The following C5orf22 variants were observed in gnomAD, a reference collection of about 807,000 sequenced individuals.
The protein encoded by C5orf22 is chromosome 5 open reading frame 22.
Under a neutral mutation model 48.7 loss-of-function variants are expected in C5orf22, and 36 were observed. The observed-to-expected ratio is 0.74, with a 90% CI of 0.57 to 0.98. The LOEUF is 0.98. Among genes scored for constraint, C5orf22 ranks in the 50% least tolerant of loss-of-function variants. The probability of loss-of-function intolerance (pLI) is 0.00; values close to 1 mark genes in which losing one functional copy is unlikely to be tolerated. For missense variants in C5orf22, 486 were observed against 521.9 expected, an observed-to-expected ratio of 0.93 and a Z score of 0.67; for synonymous variants, 141 against 180.8, an observed-to-expected ratio of 0.78 and a Z score of 1.76.
chr5:31,536,544 CAAACAAAA>C (rs918780105), intron 3 of C5orf22, among the ~76,000 whole-genome samples: 1 of 151,390 alleles, frequency 6.6e-6, no homozygotes, highest in Non-Finnish European at 1.5e-5. Flanking sequence ...AAAAAACAAA[CAAACAAAA>C]AAACAGTAAT....
chr5:31,550,744 T>TGGAACA (rs1743203811), intron 7 of C5orf22, among the ~76,000 whole-genome samples: 1 of 152,142 alleles, frequency 6.6e-6, no homozygotes, highest in Non-Finnish European at 1.5e-5. Context: ...GTATTTTTAG[T>TGGAACA]AGAGACGGGG....
chr5:31,534,640 T>C, intron 2 of C5orf22: 1 of 500,764 alleles, frequency 2.0e-6, no homozygotes, highest in Non-Finnish European at 3.5e-6. Context: ...CTGTTGCAAC[T>C]ATTAATCTTT....
chr5:31,533,023 C>T (rs990697038), intron 1 of C5orf22, among the ~76,000 whole-genome samples: 2 of 151,934 alleles, frequency 1.3e-5, no homozygotes, highest in African/African-American at 2.4e-5. Flanking sequence ...GGCGCGATCT[C>T]GGCTCACTGC....
intron 6 of C5orf22, among the ~76,000 whole-genome samples, chr5:31,544,911 G>A (rs1742753664): frequency 6.6e-6 from 1 of 151,990 alleles, no homozygotes; most frequent in Non-Finnish European, 1.5e-5. Context: ...CTGTAGCCTG[G>A]GTGGTAGTGA....
intron 8 of C5orf22, 98 bp from the exon 9 acceptor site, chr5:31,552,675 A>G: frequency 4.5e-6 from 5 of 1,101,368 alleles, no homozygotes; most frequent in Non-Finnish European, 6.5e-6. Flanking sequence ...GCACACCTTA[A>G]TTTCTGTTTT....
chr5:31,532,307 A>C lies in C5orf22; in HGVS notation c.-86A>C. Reference sequence around the variant, plus strand: ...CGGGTGAGGGAGCGCTTCCGCCCGGAGAGAGCTGGCCGGGATGAGGCGCCG... The same window carrying C: ...CGGGTGAGGGAGCGCTTCCGCCCGGCGAGAGCTGGCCGGGATGAGGCGCCG... On this transcript the variant is annotated 5_prime_UTR_variant, in exon 1 of 9. Transcript: ENST00000325366. 1 of 1,393,482 alleles carries C rather than the reference A, an allele frequency of 7.2e-7. No homozygotes were observed. Among genetic ancestry groups the C allele is most frequent in the Non-Finnish European group, 1.0e-6 (1 of 982,806 alleles). 86.3% of individuals were successfully genotyped at this position (1,393,482 alleles called of 1,614,324 possible).
At chr5:31,533,263 T>TAA (rs5867085) in intron 1 of C5orf22, among the ~76,000 whole-genome samples, 2,301 of 146,738 alleles carry the variant, frequency 0.016, 34 homozygotes, top group East Asian at 0.071. Flanking sequence ...CCATATTGCG[T>TAA]AAAAAAAAAA....
intron 1 of C5orf22, among the ~76,000 whole-genome samples, chr5:31,533,845 T>C (rs62348757): frequency 0.25 from 37,879 of 152,014 alleles, 5,143 homozygotes; most frequent in South Asian, 0.35. Flanking sequence ...AAGGCTGCAG[T>C]GAGCCATGAT....
In C5orf22 at chr5:31,551,366, G is replaced by A; in HGVS notation, c.1133G>A (p.Cys378Tyr). 1 of 1,613,514 alleles carries A rather than the reference G, an allele frequency of 6.2e-7. No individual in the cohort carries two copies. The highest frequency in any genetic ancestry group is 2.2e-5 in the East Asian group (1 of 44,864). The part of the protein sequence containing the change: ...HHISTEQEIE[C>Y]LIQSVHYLLK... ...ATCAGCACAGAACAAGAAATAGAGT[G>A]TCTTATTCAATCTGTGCATTATTTG... is the stretch of plus-strand genomic sequence containing the variant. The change falls in exon 8 of 9, where the codon TGT becomes TAT. Residue 378 changes from cysteine to tyrosine, a missense_variant. Physicochemically the swap from Cys to Tyr is radical, Grantham distance 194 (BLOSUM62 -2). Coordinates refer to ENST00000325366, the MANE Select transcript of C5orf22 (RefSeq NM_018356.3).
chr5:31,543,739 A>G (rs1471796973), intron 6 of C5orf22, among the ~76,000 whole-genome samples: 2 of 152,126 alleles, frequency 1.3e-5, no homozygotes, highest in Non-Finnish European at 2.9e-5. Flanking sequence ...TTATTTCATG[A>G]AGTCTCAAGC....
intron 4 of C5orf22, among the ~76,000 whole-genome samples, chr5:31,540,304 A>T (rs1742375223): frequency 1.3e-5 from 2 of 152,174 alleles, no homozygotes; most frequent in African/African-American, 4.8e-5. Flanking sequence ...CCTAAATAGG[A>T]TTACTGGGGC....
At chr5:31,542,252 C>T (rs1224513510) in intron 6 of C5orf22, among the ~76,000 whole-genome samples, 3 of 151,002 alleles carry the variant, frequency 2.0e-5, no homozygotes. Flanking sequence ...AGATCGAGAC[C>T]ATCCTGGCCA....
rs531970192 is a variant in C5orf22 at position 31,534,414 on chromosome 5, T to G, written c.224T>G (p.Phe75Cys). The G allele has an allele frequency of 1.3e-5, 21 of 1,605,796 alleles. No individual in the cohort carries two copies. The highest frequency in any genetic ancestry group is 3.3e-4 in the Middle Eastern group (2 of 6,010). Residue 75 changes from phenylalanine to cysteine, a missense_variant, in exon 2 of 9, where the codon TTT becomes TGT. This residue lies in a region of C5orf22 where 408 missense variants were observed against 444.0 expected (regional missense o/e 0.92). Transcript: ENST00000325366. ...ACCGTGTTTGATAAGGAAACACTCT[T>G]TGGGTAATATGTGATTTTATTTATG... ...ADTVFDKETL[F>C]GELSIENWIM... is the part of the protein sequence containing the mutation.
chr5:31,546,694 T>A (rs1458777401), intron 7 of C5orf22, among the ~76,000 whole-genome samples: 1 of 152,150 alleles, frequency 6.6e-6, no homozygotes, highest in Admixed American at 6.5e-5. Context: ...GCAGGGAGAC[T>A]TTTGTTTTTA....
At chr5:31,536,778 A>G (rs1742123245) in intron 3 of C5orf22, among the ~76,000 whole-genome samples, 1 of 152,198 alleles carries the variant, frequency 6.6e-6, no homozygotes, top group Non-Finnish European at 1.5e-5. Flanking sequence ...TTGTGATACT[A>G]TAATACTTTC....
At chr5:31,541,459 G>C in intron 6 of C5orf22, 57 bp downstream of exon 6, 2 of 1,574,532 alleles carry the variant, frequency 1.3e-6, no homozygotes, top group East Asian at 4.5e-5. Flanking sequence ...TCCTAGATAT[G>C]TTCCTAAATT....
At chr5:31,548,533 G>A in intron 7 of C5orf22, 1 of 448,540 alleles carries the variant, frequency 2.2e-6, no homozygotes, top group Non-Finnish European at 4.5e-6. Context: ...ACCTCAGCCT[G>A]GATTTCATTG....
chr5:31,535,821 C>G lies in C5orf22; in HGVS notation c.305C>G (p.Thr102Arg). The change falls in exon 3 of 9, where the codon ACA (threonine) becomes AGA (arginine). Residue 102 changes from threonine (T) to arginine (R), a missense_variant. Physicochemically the swap from Thr to Arg is moderately conservative, Grantham distance 71. Transcript: ENST00000325366. ...TCACATGTAATATGGTTTCATCCCA[C>G]ATGGGCTCAGCAGATCAGAGAGGGC... ...HFSHVIWFHPTWAQQIREGRH... is the reference protein window; with the variant it reads ...HFSHVIWFHPRWAQQIREGRH... 6.2e-7 allele frequency: 1 copy of G among 1,613,472 alleles called. No homozygotes were observed. Among genetic ancestry groups the G allele is most frequent in the Non-Finnish European group, 8.5e-7 (1 of 1,179,604 alleles).
intron 6 of C5orf22, among the ~76,000 whole-genome samples, chr5:31,543,114 A>G (rs1022238597): frequency 6.6e-6 from 1 of 152,262 alleles, no homozygotes; most frequent in African/African-American, 2.4e-5. Context: ...CGTATTATCT[A>G]TTCAAAATAC....
Sources: allele counts gnomAD v4.1 joint callset (sites outside exome capture counted in the v4.1 genomes callset), GRCh38; gene constraint gnomAD v4.1.1; regional missense constraint gnomAD v4.1.1; transcripts MANE v1.5; gene names NCBI Gene and HGNC (gene_info 2026-07-23, HGNC 2026-07-21).